TMPRSS9: variants seen among roughly 807,000 people sequenced by gnomAD.
The protein encoded by TMPRSS9 is transmembrane protease serine 9.
In TMPRSS9, 113 loss-of-function variants were observed where a neutral mutation model predicts 111.4. The ratio of observed to expected loss-of-function variants is 1.01; its 90% CI spans 0.87 to 1.19. The LOEUF (loss-of-function observed/expected upper bound fraction) is 1.19, where lower values mean the gene tolerates loss of function less well. TMPRSS9 is among the 50% of genes most tolerant of loss of function. TMPRSS9 has a pLI of 0.00. For missense variants in TMPRSS9, 1,803 were observed against 1,513.1 expected, an observed-to-expected ratio of 1.19 and a Z score of -3.18; for synonymous variants, 805 against 659.1, an observed-to-expected ratio of 1.22 and a Z score of -3.39.
In TMPRSS9 at chr19:2,413,791, C is replaced by CCCGG. The variant is rs780903053; in HGVS notation, c.1348_1351dup (p.Arg451ProfsTer14). Reference sequence around the variant, plus strand: ...AGCTGGGGAATCGGGTGTGCGGAAGCCCGGCGTCCAGGGGTCTATGCCCGA... The same window carrying CCCGG: ...AGCTGGGGAATCGGGTGTGCGGAAGCCCGGCCGGCGTCCAGGGGTCTATGCCCGA... On this transcript the variant is annotated frameshift_variant, in exon 10 of 18. Coordinates refer to ENST00000648592, the Ensembl canonical transcript of TMPRSS9. LOFTEE classifies it high-confidence loss of function. The CCCGG allele has an allele frequency of 5.0e-6, 8 of 1,613,862 alleles. No homozygotes were observed. The East Asian group carries it at 1.8e-4, about 36-fold the overall frequency.
intron 1 of TMPRSS9, among the ~76,000 whole-genome samples, chr19:2,360,926 A>G (rs2145231976): frequency 6.6e-6 from 1 of 150,730 alleles, no homozygotes; most frequent in South Asian, 2.1e-4. Flanking sequence ...GTGTGGATGC[A>G]GCTGAGATGT....
intron 1 of TMPRSS9, among the ~76,000 whole-genome samples, chr19:2,379,852 G>T (rs1185971588): frequency 6.7e-6 from 1 of 150,110 alleles, no homozygotes; most frequent in African/African-American, 2.5e-5. Context: ...GACCTCCTTG[G>T]CTCACTGATC....
chr19:2,418,127 G>A, exon 13 of TMPRSS9: 2 of 1,611,900 alleles, frequency 1.2e-6, no homozygotes, highest in Non-Finnish European at 1.7e-6. Context: ...AGGCAAAGTC[G>A]ACTCCTGCCA....
chr19:2,377,289 G>GTATA (rs1329059774), intron 1 of TMPRSS9, among the ~76,000 whole-genome samples: 1 of 110,100 alleles, frequency 9.1e-6, no homozygotes, highest in Non-Finnish European at 1.8e-5. Context: ...ATGTATGTAT[G>GTATA]TATATATGTA....
intron 6 of TMPRSS9, among the ~76,000 whole-genome samples, chr19:2,403,722 G>T (rs141184059): frequency 6.6e-6 from 1 of 151,692 alleles, no homozygotes; most frequent in South Asian, 2.1e-4. Context: ...GGCCAGGCAC[G>T]GTGGCTCACA....
chr19:2,363,326 C>A (rs916173304), intron 1 of TMPRSS9, among the ~76,000 whole-genome samples: 14 of 152,066 alleles, frequency 9.2e-5, no homozygotes, highest in African/African-American at 2.9e-4. Flanking sequence ...GTCCGCGGGG[C>A]GAGAGCTTGC....
At chr19:2,424,065 C>T in intron 14 of TMPRSS9, 24 bp from the exon 16 acceptor site, 1 of 1,259,008 alleles carries the variant, frequency 7.9e-7, no homozygotes, top group Non-Finnish European at 1.0e-6. Context: ...GGTCCGCCTG[C>T]CCACGCGCCT....
At chr19:2,389,060 A>G (rs542402686), upstream of TMPRSS9, among the ~76,000 whole-genome samples, 12 of 149,742 alleles carry the variant, frequency 8.0e-5, no homozygotes, top group East Asian at 1.8e-3. Flanking sequence ...CCGCCCAGCC[A>G]GCAGTCACGT....
intron 1 of TMPRSS9, among the ~76,000 whole-genome samples, chr19:2,393,353 A>C (rs1396444760): frequency 6.6e-6 from 1 of 152,144 alleles, no homozygotes; most frequent in Non-Finnish European, 1.5e-5. Flanking sequence ...ACGCTGCCTT[A>C]AGAGCTGCAA....
chr19:2,392,477 C>T (rs4807254), intron 1 of TMPRSS9, among the ~76,000 whole-genome samples: 37,676 of 151,596 alleles, frequency 0.25, 5,929 homozygotes, highest in East Asian at 0.56. Flanking sequence ...GACGCTGAAA[C>T]GGGAGGATTG....
exon 15 of TMPRSS9, chr19:2,424,116 C>T: frequency 5.8e-6 from 8 of 1,367,920 alleles, no homozygotes; most frequent in Non-Finnish European, 7.6e-6. Flanking sequence ...GCCGCGCTCA[C>T]CAGGATTGTG....
intron 3 of TMPRSS9, 62 bp downstream of exon 4, chr19:2,398,924 G>C (rs991800749): frequency 3.9e-6 from 6 of 1,529,744 alleles, no homozygotes; most frequent in Non-Finnish European, 5.3e-6. Context: ...TTCTGGAGGA[G>C]TCCAGAAAAG....
chr19:2,423,271 C>T (rs1183326577), intron 14 of TMPRSS9, among the ~76,000 whole-genome samples: 1 of 151,684 alleles, frequency 6.6e-6, no homozygotes, highest in Non-Finnish European at 1.5e-5. Context: ...GTGGAGAAGG[C>T]CCCCCTCAAA....
intron 1 of TMPRSS9, among the ~76,000 whole-genome samples, chr19:2,363,281 G>A (rs1970216923): frequency 6.6e-6 from 1 of 152,204 alleles, no homozygotes; most frequent in Admixed American, 6.5e-5. Flanking sequence ...TTAGGCAAAA[G>A]GTGTTGGTGG....
intron 1 of TMPRSS9, among the ~76,000 whole-genome samples, chr19:2,372,115 C>T (rs982910483): frequency 6.6e-6 from 1 of 152,166 alleles, no homozygotes; most frequent in African/African-American, 2.4e-5. Context: ...CCTTGACCTC[C>T]CAAAGTCTGG....
intron 1 of TMPRSS9, among the ~76,000 whole-genome samples, chr19:2,369,597 A>ATTTTTTTT (rs71178266): frequency 7.6e-4 from 84 of 110,378 alleles, no homozygotes; most frequent in Non-Finnish European, 1.2e-3. Context: ...CTAATTTGTA[A>ATTTTTTTT]TTTTTTTTTT....
chr19:2,391,620 C>T (rs1864359019), intron 1 of TMPRSS9, among the ~76,000 whole-genome samples: 1 of 141,602 alleles, frequency 7.1e-6, no homozygotes, highest in African/African-American at 2.6e-5. Context: ...GTGTGTGTGT[C>T]CATCACCTAG....
At chr19:2,410,182 C>A in intron 8 of TMPRSS9, 76 bp from the exon 10 acceptor site, 1 of 1,584,458 alleles carries the variant, frequency 6.3e-7, no homozygotes, top group South Asian at 1.1e-5. Context: ...GAGGAGCTGT[C>A]CTTCAGCCTC....
intron 14 of TMPRSS9, among the ~76,000 whole-genome samples, chr19:2,423,802 C>T (rs1038526891): frequency 6.6e-6 from 1 of 151,952 alleles, no homozygotes; most frequent in Admixed American, 6.5e-5. Context: ...TCCTGGAAGA[C>T]GGAGATGTGG....
Sources: gnomAD v4.1 joint callset for allele counts (sites outside exome capture counted in the v4.1 genomes callset) on GRCh38, gnomAD v4.1.1 for gene constraint, MANE v1.5 for transcripts, NCBI Gene and HGNC (gene_info 2026-07-23, HGNC 2026-07-21) for gene names.